The following ATRNL1 variants were observed in gnomAD, a reference collection of about 807,000 sequenced individuals.
ATRNL1 encodes the protein attractin like 1.
In ATRNL1, 95 loss-of-function variants were observed where a neutral mutation model predicts 182.7. The ratio of observed to expected loss-of-function variants is 0.52; its 90% CI spans 0.44 to 0.62. The LOEUF is 0.62. Among genes scored for constraint, ATRNL1 ranks in the 20% least tolerant of loss-of-function variants. The probability of loss-of-function intolerance (pLI) is 0.00; values close to 1 mark genes in which losing one functional copy is unlikely to be tolerated. For missense variants in ATRNL1, 1,471 were observed against 1,679.5 expected (o/e 0.88, Z 2.17); for synonymous variants, 576 against 568.3 (o/e 1.01, Z -0.19).
chr10:115,386,653 T>C (rs1025060555), intron 19 of ATRNL1, among the ~76,000 whole-genome samples: 3 of 152,114 alleles, frequency 2.0e-5, no homozygotes, highest in Non-Finnish European at 4.4e-5. Flanking sequence ...GTTAGTCTTT[T>C]TTTTTTATTT....
intron 26 of ATRNL1, among the ~76,000 whole-genome samples, chr10:115,706,235 C>T (rs1593098450): frequency 6.6e-6 from 1 of 151,980 alleles, no homozygotes; most frequent in East Asian, 1.9e-4. Flanking sequence ...TCCTTGGCTC[C>T]TGGCCCTTGT....
chr10:115,597,060 G>T (rs1856290575), intron 26 of ATRNL1, among the ~76,000 whole-genome samples: 1 of 151,976 alleles, frequency 6.6e-6, no homozygotes, highest in Non-Finnish European at 1.5e-5. Context: ...AAATATTTCA[G>T]TCCTAAATGA....
At chr10:115,839,007 A>T (rs1950743255) in intron 27 of ATRNL1, among the ~76,000 whole-genome samples, 1 of 152,144 alleles carries the variant, frequency 6.6e-6, no homozygotes, top group East Asian at 1.9e-4. Context: ...TAATAATTAC[A>T]GTAGAAAGTC....
At chr10:115,872,464 G>C (rs1951606906) in intron 28 of ATRNL1, among the ~76,000 whole-genome samples, 1 of 152,136 alleles carries the variant, frequency 6.6e-6, no homozygotes, top group African/African-American at 2.4e-5. Context: ...AGAAGATAAA[G>C]ATAAATTAAT....
At chr10:115,785,616 A>G (rs1949378161) in intron 27 of ATRNL1, among the ~76,000 whole-genome samples, 3 of 152,222 alleles carry the variant, frequency 2.0e-5, no homozygotes, top group South Asian at 4.1e-4. Flanking sequence ...TCTGTTAACC[A>G]CACACCTAAT....
chr10:115,536,621 T>C (rs1047672610), intron 25 of ATRNL1, among the ~76,000 whole-genome samples: 17 of 152,288 alleles, frequency 1.1e-4, no homozygotes, highest in Middle Eastern at 6.8e-3. Context: ...GCACCCACTG[T>C]CCTGCGCCCA....
chr10:115,878,148 C>A (rs1253728188), intron 28 of ATRNL1, among the ~76,000 whole-genome samples: 1 of 152,196 alleles, frequency 6.6e-6, no homozygotes, highest in Non-Finnish European at 1.5e-5. Flanking sequence ...TTCTGATGTG[C>A]AGAAAAATGG....
intron 26 of ATRNL1, among the ~76,000 whole-genome samples, chr10:115,693,995 A>G (rs1333804774): frequency 1.3e-5 from 2 of 152,132 alleles, no homozygotes; most frequent in African/African-American, 4.8e-5. Context: ...ATGTAAGTCA[A>G]ATGACTATCC....
chr10:115,876,446 A>C lies in ATRNL1; in HGVS notation c.4018+28455A>C, dbSNP rs150148606. 1.7e-3 allele frequency among the ~76,000 whole-genome samples: 259 copies of C among 152,316 alleles called. 2 individuals are homozygous for C. Among genetic ancestry groups the C allele is most frequent in the African/African-American group, 6.1e-3 (252 of 41,596 alleles). ...TTTTGATAACAACATGAAGATACCC[A>C]CATACCTAGCAAAATGTAGGAACTT... On this transcript the variant is annotated intron_variant, in intron 28 of 28. Transcript: ENST00000355044.
At chr10:115,098,453 C>CTTTTTT (rs71010006) in intron 1 of ATRNL1, among the ~76,000 whole-genome samples, 3 of 80,742 alleles carry the variant, frequency 3.7e-5, no homozygotes, top group African/African-American at 6.2e-5. Flanking sequence ...ATACTAGTTT[C>CTTTTTT]TTTTTTTTTT....
intron 28 of ATRNL1, among the ~76,000 whole-genome samples, chr10:115,919,579 T>G (rs961174476): frequency 2.6e-5 from 4 of 152,174 alleles, no homozygotes; most frequent in Non-Finnish European, 5.9e-5. Context: ...CATTCTGTGC[T>G]ATAGATGCCA....
intron 28 of ATRNL1, among the ~76,000 whole-genome samples, chr10:115,891,247 A>G (rs1174289215): frequency 6.6e-6 from 1 of 152,196 alleles, no homozygotes; most frequent in African/African-American, 2.4e-5. Flanking sequence ...GGACACTTAT[A>G]AAAGGAGGAG....
At position 115,398,387 on chromosome 10, in the gene ATRNL1, T is replaced by C. The variant is rs781976134; in HGVS notation, c.3269+3635T>C. On this transcript the variant is annotated intron_variant, in intron 20 of 28. Transcript: ENST00000355044. ...GAATTTCCATTTGTGTCATCTCTGA[T>C]TTTTTTGTGCAGTGGTTTTTAGTTT... 5.9e-5 allele frequency among the ~76,000 whole-genome samples: 9 copies of C among 152,114 alleles called. No homozygotes were observed. In the East Asian group the frequency reaches 1.7e-3, roughly 29 times the overall value.
intron 7 of ATRNL1, among the ~76,000 whole-genome samples, chr10:115,166,605 T>G (rs1847055543): frequency 6.6e-6 from 1 of 151,942 alleles, no homozygotes; most frequent in Non-Finnish European, 1.5e-5. Flanking sequence ...ATAATTGACC[T>G]AATGAGTATC....
At chr10:115,728,113 AAAAAAAAAAAAAAAG>A (rs1555061030) in intron 27 of ATRNL1, among the ~76,000 whole-genome samples, 5 of 94,132 alleles carry the variant, frequency 5.3e-5, no homozygotes, top group Non-Finnish European at 1.0e-4. Flanking sequence ...GTCTCTACTA[AAAAAAAAAAAAAAAG>A]AAAAAAAAAA....
intron 20 of ATRNL1, among the ~76,000 whole-genome samples, chr10:115,423,667 T>G (rs1845748743): frequency 6.6e-6 from 1 of 152,150 alleles, no homozygotes; most frequent in African/African-American, 2.4e-5. Flanking sequence ...ATGCCAAGAA[T>G]ACACGTTAGG....
chr10:115,337,028 T>G (rs567297202), intron 19 of ATRNL1, among the ~76,000 whole-genome samples: 1 of 151,240 alleles, frequency 6.6e-6, no homozygotes, highest in East Asian at 2.0e-4. Context: ...TAATTTTTTT[T>G]TTTTTTGTAT....
intron 27 of ATRNL1, among the ~76,000 whole-genome samples, chr10:115,762,999 A>T (rs1242440186): frequency 1.3e-5 from 2 of 152,192 alleles, no homozygotes; most frequent in African/African-American, 4.8e-5. Flanking sequence ...TGGCATTTGT[A>T]TAATATTTGA....
chr10:115,262,521 A>G (rs1554909076), intron 10 of ATRNL1, among the ~76,000 whole-genome samples: 1 of 152,050 alleles, frequency 6.6e-6, no homozygotes, highest in East Asian at 1.9e-4. Flanking sequence ...TACTGAGTAA[A>G]CAAGCACAGA....
Sources: allele counts gnomAD v4.1 joint callset (sites outside exome capture counted in the v4.1 genomes callset), GRCh38; gene constraint gnomAD v4.1.1; transcripts MANE v1.5; gene names NCBI Gene and HGNC (gene_info 2026-07-23, HGNC 2026-07-21).